PDE9A: variants seen among roughly 807,000 people sequenced by gnomAD.
PDE9A encodes high affinity cGMP-specific 3',5'-cyclic phosphodiesterase 9A.
Under a neutral mutation model 87.4 loss-of-function variants are expected in PDE9A, and 60 were observed. That is an observed-to-expected ratio of 0.69 (90% CI 0.56 to 0.85). The LOEUF (loss-of-function observed/expected upper bound fraction) is 0.85. PDE9A is among the 40% of genes least tolerant of loss of function. The probability of loss-of-function intolerance (pLI) is 0.00; values close to 1 mark genes in which losing one functional copy is unlikely to be tolerated. For synonymous variants in PDE9A, 272 were observed against 279.4 expected (o/e 0.97, Z 0.27); for missense variants, 665 against 779.0 (o/e 0.85, Z 1.74).
At chr21:42,736,802 G>A (rs1036161112) in intron 7 of PDE9A, among the ~76,000 whole-genome samples, 1 of 152,192 alleles carries the variant, frequency 6.6e-6, no homozygotes. Flanking sequence ...GCCATGTCCA[G>A]ACAGGCTGTC....
At chr21:42,654,083 T>TGGGGGG (rs535631608) in intron 1 of PDE9A, among the ~76,000 whole-genome samples, 200 bp downstream of exon 1, 4 of 70,036 alleles carry the variant, frequency 5.7e-5, no homozygotes, top group African/African-American at 2.9e-4. Flanking sequence ...GGGTGGGGGG[T>TGGGGGG]GGGGGGGCGG....
rs9637296 is a variant in PDE9A at position 42,775,264 on chromosome 21, G to C, written c.1769-16G>C. On this transcript the variant is annotated splice_polypyrimidine_tract_variant and intron_variant, in intron 19 of 19. Coordinates refer to ENST00000291539, the MANE Select transcript of PDE9A (RefSeq NM_002606.3). ...TTCTAACAAAAACAAATCAGTCATC[G>C]TTTCCCTTCTTCCAGGAGACTGTGC... 137 of 1,611,186 alleles carry C rather than the reference G, an allele frequency of 8.5e-5. No individual in the cohort carries two copies. The East Asian group carries it at 2.1e-3, about 25-fold the overall frequency.
intron 10 of PDE9A, among the ~76,000 whole-genome samples, chr21:42,754,302 CAG>C (rs945577821): frequency 6.6e-6 from 1 of 152,150 alleles, no homozygotes; most frequent in Admixed American, 6.5e-5. Flanking sequence ...AGACGGCTGT[CAG>C]GGGCAGGGAG....
intron 7 of PDE9A, 165 bp downstream of exon 7, chr21:42,733,591 A>G (rs2052068887): frequency 1.7e-6 from 1 of 603,786 alleles, no homozygotes; most frequent in Non-Finnish European, 3.0e-6. Context: ...AGGCTAGCAC[A>G]GTGACTAACT....
intron 4 of PDE9A, among the ~76,000 whole-genome samples, chr21:42,724,127 C>G (rs1200851054): frequency 2.0e-5 from 3 of 152,156 alleles, no homozygotes; most frequent in South Asian, 2.1e-4. Flanking sequence ...AGGCCACATT[C>G]AGGTGGTGCA....
At chr21:42,693,319 G>A (rs1449350472) in intron 3 of PDE9A, among the ~76,000 whole-genome samples, 2 of 139,618 alleles carry the variant, frequency 1.4e-5, no homozygotes, top group African/African-American at 2.7e-5. Context: ...TTTTTTTTGA[G>A]ACGGAGTCTG....
chr21:42,710,214 C>T (rs959158093), intron 4 of PDE9A, among the ~76,000 whole-genome samples: 1 of 152,050 alleles, frequency 6.6e-6, no homozygotes, highest in African/African-American at 2.4e-5. Context: ...TCGAGACCAG[C>T]CTGGCCAACA....
rs1310488992 is a variant in PDE9A, at chr21:42,696,706, TCACTGGCCA to T, written c.219-2256_219-2248del. Among the ~76,000 whole-genome samples the T allele has an allele frequency of 1.8e-4, 28 of 152,190 alleles. No individual in the cohort carries two copies. Among genetic ancestry groups the T allele is most frequent in the Admixed American group, 1.8e-3 (28 of 15,284 alleles). ...TCCTAGGCAACCCTGGCACGGGTCC[TCACTGGCCA>T]CACTGAGGCCATCAGCAAAGCACCT... On this transcript the variant is annotated intron_variant, in intron 3 of 19. Coordinates refer to ENST00000291539, the MANE Select transcript of PDE9A (RefSeq NM_002606.3). The surrounding 1 kb of genome is among the most constrained non-coding windows in gnomAD (Gnocchi z 5.1).
rs1417624512 is a variant in PDE9A at position 42,760,669 on chromosome 21, C to T, written c.1003-156C>T. 6.6e-6 allele frequency among the ~76,000 whole-genome samples: 1 copy of T among 151,964 alleles called. No individual in the cohort carries two copies. Among genetic ancestry groups the T allele is most frequent in the Non-Finnish European group, 1.5e-5 (1 of 67,978 alleles). On this transcript the variant is annotated intron_variant, in intron 12 of 19. Coordinates refer to ENST00000291539, the MANE Select transcript of PDE9A (RefSeq NM_002606.3). This position sits in a 1 kb window ranked among gnomAD's most constrained non-coding sequence, Gnocchi z 5.2. ...GACCTGGTCACCCCCCCAACCCCCACAGGCAGGCCGATCCTCTCCCACCAT... is the reference window on the plus strand; with the variant it reads ...GACCTGGTCACCCCCCCAACCCCCATAGGCAGGCCGATCCTCTCCCACCAT...
chr21:42,718,071 A>G (rs1312878510), intron 4 of PDE9A, among the ~76,000 whole-genome samples: 1 of 149,986 alleles, frequency 6.7e-6, no homozygotes, highest in Non-Finnish European at 1.5e-5. Flanking sequence ...ACCACGCCCA[A>G]CTAATTTTTA....
Position 42,739,737 on chromosome 21 carries a change from T to TA in PDE9A, c.569-4038dup, listed in dbSNP as rs2146833436. Among the ~76,000 whole-genome samples, 1 of 150,906 alleles carries TA rather than the reference T, an allele frequency of 6.6e-6. No homozygotes were observed. Among genetic ancestry groups the TA allele is most frequent in the African/African-American group, 2.4e-5 (1 of 41,012 alleles). ...ATCTCGGTGGACTCTGCACTGTCAA[T>TA]ACAAACGCTATGCACCCATCAAAAA... On this transcript the variant is annotated intron_variant, in intron 7 of 19. Transcript: ENST00000291539. The surrounding 1 kb of genome is among the most constrained non-coding windows in gnomAD (Gnocchi z 4.1).
intron 7 of PDE9A, among the ~76,000 whole-genome samples, chr21:42,741,930 G>A (rs1198706127): frequency 6.6e-6 from 1 of 152,126 alleles, no homozygotes; most frequent in Non-Finnish European, 1.5e-5. Flanking sequence ...GTGGTATCGT[G>A]GGAGTATCCT....
chr21:42,681,899 C>G (rs1435168298), intron 1 of PDE9A, among the ~76,000 whole-genome samples: 3 of 152,228 alleles, frequency 2.0e-5, no homozygotes, highest in Non-Finnish European at 1.5e-5. Flanking sequence ...AGCATGTGGT[C>G]AGGAAGCCCT....
chr21:42,690,221 C>T (rs1242878784), intron 3 of PDE9A: 5 of 525,086 alleles, frequency 9.5e-6, no homozygotes, highest in Admixed American at 6.4e-5. Context: ...TGGAGGTAGA[C>T]GCGGATGAGG....
At chr21:42,768,924 T>G in intron 16 of PDE9A, 103 bp from the exon 17 acceptor site, 2 of 1,509,380 alleles carry the variant, frequency 1.3e-6, no homozygotes, top group East Asian at 4.6e-5. Flanking sequence ...TGTGGTTTGG[T>G]TGGTTGGTGG....
At position 42,759,450 on chromosome 21, in the gene PDE9A, TGA is replaced by T. The variant is rs1409389470; in HGVS notation, c.897+367_897+368del. ...ATGGGGGTGTGGATGTGAGTGTGTG[TGA>T]GTGTGGGGTGTGGATGTGAGCATGG... On this transcript the variant is annotated intron_variant, in intron 11 of 19. Transcript: ENST00000291539. This position sits in a 1 kb window ranked among gnomAD's most constrained non-coding sequence, Gnocchi z 7.2. Among the ~76,000 whole-genome samples, 2 of 144,742 alleles carry T rather than the reference TGA, an allele frequency of 1.4e-5. No individual in the cohort carries two copies. Among genetic ancestry groups the T allele is most frequent in the Non-Finnish European group, 3.0e-5 (2 of 66,068 alleles). 95.0% of individuals were successfully genotyped at this position (144,742 alleles called of 152,430 possible).
intron 4 of PDE9A, among the ~76,000 whole-genome samples, chr21:42,709,706 C>G (rs2049138479): frequency 6.6e-6 from 1 of 152,128 alleles, no homozygotes; most frequent in Non-Finnish European, 1.5e-5. Flanking sequence ...TTTTTTGAGA[C>G]AGGGTCTCAC....
intron 1 of PDE9A, among the ~76,000 whole-genome samples, chr21:42,663,234 A>AT (rs2057722666): frequency 6.7e-6 from 1 of 150,188 alleles, no homozygotes; most frequent in South Asian, 2.1e-4. Flanking sequence ...ACACATGCAT[A>AT]TCACACACAT....
At chr21:42,708,620 T>C (rs2049033436) in intron 4 of PDE9A, among the ~76,000 whole-genome samples, 1 of 152,230 alleles carries the variant, frequency 6.6e-6, no homozygotes, top group African/African-American at 2.4e-5. Flanking sequence ...AGTGGCGCGA[T>C]CTCGGCTCAC....
Sources: allele counts gnomAD v4.1 joint callset (sites outside exome capture counted in the v4.1 genomes callset), GRCh38; gene constraint gnomAD v4.1.1; non-coding constraint Gnocchi (gnomAD v3.1); transcripts MANE v1.5; gene names NCBI Gene and HGNC (gene_info 2026-07-23, HGNC 2026-07-21).